KAT6B: variants seen among roughly 807,000 people sequenced by gnomAD.
KAT6B encodes the protein histone acetyltransferase KAT6B.
In KAT6B, 10 loss-of-function variants were observed where a neutral mutation model predicts 187.5. That is an observed-to-expected ratio of 0.05 (90% confidence interval 0.03 to 0.09). The LOEUF is 0.09. Among genes scored for constraint, KAT6B ranks in the 10% least tolerant of loss-of-function variants. The pLI is 1.00. For missense variants in KAT6B, 1,952 were observed against 2,558.9 expected, an observed-to-expected ratio of 0.76 and a Z score of 5.12; for synonymous variants, 861 against 926.8, an observed-to-expected ratio of 0.93 and a Z score of 1.29.
At chr10:74,890,497 G>A (rs1035203926) in intron 3 of KAT6B, among the ~76,000 whole-genome samples, 4 of 151,918 alleles carry the variant, frequency 2.6e-5, no homozygotes, top group Non-Finnish European at 4.4e-5. Flanking sequence ...AAAATTAGCC[G>A]GGCCACTGCA....
At chr10:75,027,225 C>G (rs1845927449) in intron 17 of KAT6B, among the ~76,000 whole-genome samples, 3 of 152,202 alleles carry the variant, frequency 2.0e-5, no homozygotes, top group Non-Finnish European at 4.4e-5. Context: ...TGACTCTTAA[C>G]TCGGGCATGG....
At chr10:75,010,488 G>C (rs1303617821) in intron 13 of KAT6B, among the ~76,000 whole-genome samples, 1 of 152,146 alleles carries the variant, frequency 6.6e-6, no homozygotes, top group Admixed American at 6.5e-5. Flanking sequence ...TTTGTTTGCT[G>C]TGTGAAAGCT....
Position 74,975,999 on chromosome 10 carries a change from G to A in KAT6B, c.1662G>A (p.Gln554=), listed in dbSNP as rs1315521603. Residue 554 remains glutamine, a synonymous_variant, in exon 8 of 18, where the codon CAG becomes CAA. Transcript: ENST00000287239. The part of the protein sequence containing the change: ...FDGLSHIYTT[Q]GQSRKKGHPS... ...GGCTTTCTCATATCTATACCACTCA[G>A]GGACAGTCTCGCAAAAAGGGACACC... The A allele has an allele frequency of 5.0e-6, 8 of 1,614,110 alleles. No homozygotes were observed. Among genetic ancestry groups the A allele is most frequent in the Non-Finnish European group, 6.8e-6 (8 of 1,180,024 alleles).
intron 1 of KAT6B, among the ~76,000 whole-genome samples, chr10:74,830,748 A>ATATATATATATATATATGTATATG (rs1554912246): frequency 5.2e-5 from 1 of 19,060 alleles, no homozygotes; most frequent in Non-Finnish European, 8.2e-5. Context: ...ATATATATAT[A>ATATATATATATATATATGTATATG]TATATATATA....
chr10:74,968,814 C>T (rs1364870626), intron 4 of KAT6B, among the ~76,000 whole-genome samples: 1 of 152,206 alleles, frequency 6.6e-6, no homozygotes, highest in Admixed American at 6.5e-5. Context: ...ACGCTCCGCA[C>T]ACCTCTTGGA....
In KAT6B at chr10:74,976,451, C is replaced by T. The variant is rs555138366; in HGVS notation, c.1993+121C>T. ...AGGTCTTAGCTATTTCTCTTGTTCT[C>T]ACTTCACTTTCATACAGAAGCAGTG... On this transcript the variant is annotated intron_variant, in intron 8 of 17. Transcript: ENST00000287239. The T allele has an allele frequency of 9.6e-6, 8 of 832,696 alleles. No homozygotes were observed. The East Asian group carries it at 1.3e-4, about 14-fold the overall frequency. 51.6% of individuals were successfully genotyped at this position (832,696 alleles called of 1,614,324 possible).
At chr10:74,860,989 T>G (rs889266918) in intron 3 of KAT6B, among the ~76,000 whole-genome samples, 1 of 151,948 alleles carries the variant, frequency 6.6e-6, no homozygotes, top group African/African-American at 2.4e-5. Flanking sequence ...AATGCAAAAT[T>G]AGCCGGGCGT....
intron 13 of KAT6B, among the ~76,000 whole-genome samples, chr10:74,996,888 C>T (rs924197144): frequency 1.1e-4 from 16 of 150,790 alleles, no homozygotes; most frequent in African/African-American, 3.9e-4. Context: ...ATAGACTTGA[C>T]TATATAAAAA....
At position 74,976,202 on chromosome 10, in the gene KAT6B, G is replaced by A. The variant is rs773318837; in HGVS notation, c.1865G>A (p.Arg622Gln). Residue 622 changes from arginine (R) to glutamine (Q), a missense_variant, in exon 8 of 18, where the codon CGA (arginine) becomes CAA (glutamine). Coordinates refer to ENST00000287239, the MANE Select transcript of KAT6B (RefSeq NM_012330.4). Reference protein sequence around the residue: ...SIFKAIAHFKRTTFLKKHRML... With the variant: ...SIFKAIAHFKQTTFLKKHRML... ...TTTAAAGCAATTGCTCACTTCAAGC[G>A]AACAACTTTCCTTAAAAAGCACAGG... The A allele has an allele frequency of 2.9e-5, 46 of 1,613,958 alleles. No individual in the cohort carries two copies. Among genetic ancestry groups the A allele is most frequent in the Middle Eastern group, 1.6e-4 (1 of 6,084 alleles).
At chr10:74,993,988 T>C (rs1843268383) in intron 13 of KAT6B, among the ~76,000 whole-genome samples, 1 of 152,234 alleles carries the variant, frequency 6.6e-6, no homozygotes, top group African/African-American at 2.4e-5. Context: ...TTGTAATCAG[T>C]AAGCATCTGG....
At chr10:74,984,761 T>C (rs1842717134) in intron 11 of KAT6B, 5 of 367,352 alleles carry the variant, frequency 1.4e-5, no homozygotes, top group Non-Finnish European at 2.6e-5. Flanking sequence ...AGAGAGGACA[T>C]GCCTGATCAT....
intron 3 of KAT6B, among the ~76,000 whole-genome samples, chr10:74,867,450 T>C (rs1843631839): frequency 6.6e-6 from 1 of 152,174 alleles, no homozygotes; most frequent in Non-Finnish European, 1.5e-5. Flanking sequence ...CAAGACTCAA[T>C]TGAATAAAAC....
intron 3 of KAT6B, among the ~76,000 whole-genome samples, chr10:74,915,598 C>T (rs1220902786): frequency 6.6e-6 from 1 of 152,212 alleles, no homozygotes; most frequent in Non-Finnish European, 1.5e-5. Flanking sequence ...CTGTATCTCT[C>T]TGTATCCCCA....
intron 3 of KAT6B, among the ~76,000 whole-genome samples, chr10:74,850,482 T>A (rs1842409427): frequency 6.6e-6 from 1 of 152,198 alleles, no homozygotes; most frequent in Admixed American, 6.5e-5. Flanking sequence ...CTTTCTGAAA[T>A]GTAATTGCAC....
intron 13 of KAT6B, among the ~76,000 whole-genome samples, chr10:75,009,840 A>G (rs1045789227): frequency 6.6e-6 from 1 of 152,136 alleles, no homozygotes; most frequent in African/African-American, 2.4e-5. Context: ...GATCTCTACT[A>G]AAAATACAAA....
intron 3 of KAT6B, among the ~76,000 whole-genome samples, chr10:74,922,859 A>T (rs942346005): frequency 4.6e-5 from 7 of 152,046 alleles, no homozygotes; most frequent in Non-Finnish European, 7.4e-5. Context: ...ATTTTTTTTT[A>T]AAGAATAAAA....
At chr10:74,850,621 A>G (rs1842418628) in intron 3 of KAT6B, among the ~76,000 whole-genome samples, 1 of 152,226 alleles carries the variant, frequency 6.6e-6, no homozygotes, top group African/African-American at 2.4e-5. Flanking sequence ...ACTGAAGATA[A>G]AACTTTATCT....
intron 3 of KAT6B, among the ~76,000 whole-genome samples, chr10:74,859,620 T>G (rs1843040250): frequency 2.0e-5 from 3 of 152,224 alleles, no homozygotes; most frequent in African/African-American, 4.8e-5. Context: ...TTGGAAGGTT[T>G]TGGAAATTCT....
chr10:74,954,481 G>GA (rs1003037085), intron 3 of KAT6B, among the ~76,000 whole-genome samples: 9 of 148,366 alleles, frequency 6.1e-5, no homozygotes, highest in Admixed American at 3.4e-4. Flanking sequence ...AAATGAAGCG[G>GA]AAAAAAAAAA....
Sources: gnomAD v4.1 joint callset for allele counts (sites outside exome capture counted in the v4.1 genomes callset) on GRCh38, gnomAD v4.1.1 for gene constraint, MANE v1.5 for transcripts, NCBI Gene and HGNC (gene_info 2026-07-23, HGNC 2026-07-21) for gene names.